SLC35F4: variants seen among roughly 807,000 people sequenced by gnomAD.
SLC35F4 encodes the protein chromosome 14 open reading frame 36.
A neutral mutation model predicts 44.2 loss-of-function variants in SLC35F4; 24 were observed. The ratio of observed to expected loss-of-function variants is 0.54; its 90% CI spans 0.39 to 0.76. The LOEUF is 0.76. SLC35F4 is among the 30% of genes least tolerant of loss of function. The pLI is 0.00. For missense variants in SLC35F4, 562 were observed against 586.1 expected (o/e 0.96, Z 0.42); for synonymous variants, 238 against 223.6 (o/e 1.06, Z -0.57).
intron 1 of SLC35F4, among the ~76,000 whole-genome samples, chr14:57,955,817 T>C (rs1890227178): frequency 6.6e-6 from 1 of 152,114 alleles, no homozygotes; most frequent in Admixed American, 6.6e-5. Flanking sequence ...CAAAACATTT[T>C]GTGCTCTTGG....
At chr14:57,584,037 CTTAAGCATATTTTATA>C (rs2069502311) in intron 3 of SLC35F4, among the ~76,000 whole-genome samples, 1 of 132,462 alleles carries the variant, frequency 7.5e-6, no homozygotes, top group Non-Finnish European at 1.6e-5. Flanking sequence ...TAAATAGCAT[CTTAAGCATATTTTATA>C]GTAAGCATAT....
intron 1 of SLC35F4, among the ~76,000 whole-genome samples, chr14:57,827,032 C>A (rs767244105): frequency 2.6e-5 from 4 of 152,078 alleles, no homozygotes; most frequent in Non-Finnish European, 5.9e-5. Context: ...GAATAGAAAT[C>A]ATTATATTAT....
At chr14:57,784,674 T>C (rs1040317102) in intron 1 of SLC35F4, among the ~76,000 whole-genome samples, 2 of 151,994 alleles carry the variant, frequency 1.3e-5, no homozygotes, top group East Asian at 3.9e-4. Flanking sequence ...CTCTGTCTCT[T>C]CAAACACAAC....
At chr14:57,820,023 T>C (rs942548976) in intron 1 of SLC35F4, among the ~76,000 whole-genome samples, 16 of 152,152 alleles carry the variant, frequency 1.1e-4, no homozygotes, top group Non-Finnish European at 1.9e-4. Flanking sequence ...GGAGAACTGA[T>C]GGATGAGTAA....
At chr14:57,917,042 G>GGTTTT (rs922044839) in intron 1 of SLC35F4, among the ~76,000 whole-genome samples, 5 of 151,654 alleles carry the variant, frequency 3.3e-5, no homozygotes, top group Admixed American at 6.6e-5. Flanking sequence ...TGTTTTGGGG[G>GGTTTT]GTTTTGTTTT....
At chr14:57,980,396 A>C (rs913092306) in intron 1 of SLC35F4, among the ~76,000 whole-genome samples, 29 of 152,090 alleles carry the variant, frequency 1.9e-4, no homozygotes, top group Admixed American at 5.2e-4. Flanking sequence ...TTGAGAGAAA[A>C]ATGTTCTGGT....
intron 1 of SLC35F4, among the ~76,000 whole-genome samples, chr14:57,915,179 C>G (rs936937308): frequency 6.6e-6 from 1 of 152,140 alleles, no homozygotes; most frequent in African/African-American, 2.4e-5. Context: ...AAGTGGGAAA[C>G]AGAGTTCTGA....
At chr14:57,834,166 T>G (rs1049353601) in intron 1 of SLC35F4, among the ~76,000 whole-genome samples, 6 of 152,216 alleles carry the variant, frequency 3.9e-5, no homozygotes, top group African/African-American at 1.4e-4. Context: ...CATGACATCT[T>G]AAAACTCCAG....
intron 1 of SLC35F4, among the ~76,000 whole-genome samples, chr14:57,716,630 A>G (rs1290896024): frequency 1.3e-5 from 2 of 152,354 alleles, no homozygotes; most frequent in East Asian, 1.9e-4. Flanking sequence ...AATTGTACAT[A>G]TGTATGGAGT....
In SLC35F4 at chr14:57,594,088, C is replaced by T; in HGVS notation, c.140G>A (p.Gly47Glu). The part of the protein sequence containing the change: ...SRSSVTRCKP[G>E]ANCPSSHSGI... ...ACTGTGTGAACTGGGGCAGTTGGCTCCTGGTTTACATCTAGTGACTGATGA... is the reference window on the plus strand; with the variant it reads ...ACTGTGTGAACTGGGGCAGTTGGCTTCTGGTTTACATCTAGTGACTGATGA... The change falls in exon 2 of 8, where the codon GGA (glycine) becomes GAA (glutamate). Residue 47 changes from glycine to glutamate, a missense_variant. Gly to Glu is a moderately conservative substitution (Grantham distance 98). Transcript: ENST00000556826. 2.5e-6 allele frequency: 4 copies of T among 1,613,802 alleles called. No individual in the cohort carries two copies. Among genetic ancestry groups the T allele is most frequent in the Non-Finnish European group, 3.4e-6 (4 of 1,179,858 alleles).
At chr14:57,785,460 T>A (rs2077732350) in intron 1 of SLC35F4, among the ~76,000 whole-genome samples, 1 of 152,194 alleles carries the variant, frequency 6.6e-6, no homozygotes, top group Admixed American at 6.5e-5. Context: ...CAGAGCAGTA[T>A]GCGGAGGCTT....
At chr14:57,787,787 A>G (rs2077805256) in intron 1 of SLC35F4, among the ~76,000 whole-genome samples, 1 of 152,252 alleles carries the variant, frequency 6.6e-6, no homozygotes, top group Admixed American at 6.5e-5. Context: ...TCCTGGAAAC[A>G]CATCAAAACA....
intron 1 of SLC35F4, among the ~76,000 whole-genome samples, chr14:57,896,161 T>C (rs1166266377): frequency 6.6e-6 from 1 of 152,124 alleles, no homozygotes; most frequent in Non-Finnish European, 1.5e-5. Flanking sequence ...AATTGGAAGA[T>C]AAGTGGAGAT....
chr14:57,891,017 G>C (rs1888751610), intron 1 of SLC35F4, among the ~76,000 whole-genome samples: 2 of 152,096 alleles, frequency 1.3e-5, no homozygotes, highest in Non-Finnish European at 2.9e-5. Context: ...TCCTAAAATT[G>C]TTTAAGGTAA....
intron 1 of SLC35F4, among the ~76,000 whole-genome samples, chr14:57,936,330 A>C (rs1889795589): frequency 6.6e-6 from 1 of 152,242 alleles, no homozygotes; most frequent in Admixed American, 6.5e-5. Context: ...AGGGAATATA[A>C]ACATATCGTG....
chr14:57,745,294 G>A (rs1257489089), intron 1 of SLC35F4, among the ~76,000 whole-genome samples: 1 of 152,110 alleles, frequency 6.6e-6, no homozygotes, highest in Non-Finnish European at 1.5e-5. Context: ...GAGTGAACAG[G>A]CAACCTACAG....
chr14:57,778,351 T>A (rs180982548), intron 1 of SLC35F4, among the ~76,000 whole-genome samples: 74 of 152,194 alleles, frequency 4.9e-4, no homozygotes, highest in Middle Eastern at 3.4e-3. Context: ...AAACAGACTT[T>A]AAACCAACAA....
chr14:57,615,406 T>C (rs1362603956), intron 1 of SLC35F4, among the ~76,000 whole-genome samples: 1 of 152,134 alleles, frequency 6.6e-6, no homozygotes, highest in African/African-American at 2.4e-5. Flanking sequence ...TAACTGCTGC[T>C]TTAAGGAGTG....
chr14:57,937,761 C>T (rs1039924043), intron 1 of SLC35F4, among the ~76,000 whole-genome samples: 2 of 151,980 alleles, frequency 1.3e-5, no homozygotes, highest in African/African-American at 4.8e-5. Context: ...GACTCAAAGA[C>T]CCAGGAACAT....
Sources: allele counts gnomAD v4.1 joint callset (sites outside exome capture counted in the v4.1 genomes callset), GRCh38; gene constraint gnomAD v4.1.1; transcripts MANE v1.5; gene names NCBI Gene and HGNC (gene_info 2026-07-23, HGNC 2026-07-21).